Variants in AQR observed in about 807,000 individuals in gnomAD.
The protein encoded by AQR is aquarius intron-binding spliceosomal factor, also known as RNA helicase aquarius.
Under a neutral mutation model 180.5 loss-of-function variants are expected in AQR, and 61 were observed. The observed-to-expected ratio is 0.34, with a 90% CI of 0.28 to 0.42. AQR has a LOEUF of 0.42. Ranked by LOEUF, AQR falls within the 10% of genes least tolerant of loss-of-function variation. The pLI is 1.00. For synonymous variants in AQR, 551 were observed against 588.8 expected, an observed-to-expected ratio of 0.94 and a Z score of 0.93; for missense variants, 1,281 against 1,798.3, an observed-to-expected ratio of 0.71 and a Z score of 5.20.
At chr15:34,954,061 C>T (rs1038038844) in intron 3 of AQR, among the ~76,000 whole-genome samples, 2 of 151,904 alleles carry the variant, frequency 1.3e-5, no homozygotes, top group Admixed American at 6.5e-5. Context: ...ATTACAGTCA[C>T]GTGCCACCAC....
At chr15:34,918,468 T>A in intron 14 of AQR, 90 bp from the exon 15 acceptor site, 1 of 1,468,908 alleles carries the variant, frequency 6.8e-7, no homozygotes, top group East Asian at 2.3e-5. Context: ...TGCCTATCAG[T>A]TATTGTAGCA....
At chr15:34,861,697 G>A (rs1892673118) in intron 33 of AQR, among the ~76,000 whole-genome samples, 1 of 152,116 alleles carries the variant, frequency 6.6e-6, no homozygotes, top group African/African-American at 2.4e-5. Flanking sequence ...TAATAGGATT[G>A]TGTCTAGACT....
chr15:34,872,801 T>G (rs1892839103), intron 30 of AQR, among the ~76,000 whole-genome samples: 1 of 152,038 alleles, frequency 6.6e-6, no homozygotes, highest in Non-Finnish European at 1.5e-5. Flanking sequence ...ACTCAAGATC[T>G]CTAATTTGTA....
Position 34,876,061 on chromosome 15 carries a change from T to C in AQR, c.3166-55A>G, listed in dbSNP as rs571460220. ...CAGCTTAAAAGTCAAACAACTACCA[T>C]CATAAACATAATCATCAAAAAAACC... is the stretch of plus-strand genomic sequence containing the variant. On this transcript the variant is annotated intron_variant, in intron 27 of 34. Coordinates refer to ENST00000156471, the MANE Select transcript of AQR (RefSeq NM_014691.3). The C allele has an allele frequency of 3.1e-6, 4 of 1,290,260 alleles. No homozygotes were observed. The African/African-American group carries it at 5.9e-5, about 19-fold the overall frequency. The allele number at this position is 1,290,260 out of a possible 1,614,324, so 79.9% of individuals were successfully genotyped here. A position where few individuals can be genotyped will look rare whatever the true frequency, so the allele number is the denominator to read the frequency against.
chr15:34,934,666 T>C (rs1428033830), intron 9 of AQR, 31 bp from the exon 10 acceptor site: 1 of 1,472,800 alleles, frequency 6.8e-7, no homozygotes. Flanking sequence ...ATGATAGAAT[T>C]TCCTTACTAG....
intron 30 of AQR, 99 bp from the exon 31 acceptor site, chr15:34,871,021 C>G: frequency 8.5e-7 from 1 of 1,174,858 alleles, no homozygotes; most frequent in Non-Finnish European, 1.2e-6. Flanking sequence ...GTTCACTTTG[C>G]ACACTGCAAG....
intron 2 of AQR, among the ~76,000 whole-genome samples, chr15:34,963,656 G>A (rs984845811): frequency 2.4e-5 from 3 of 127,254 alleles, no homozygotes; most frequent in Non-Finnish European, 5.2e-5. Context: ...AATTATACAC[G>A]TACACTTTTT....
At chr15:34,897,467 T>TA in intron 21 of AQR, 92 bp downstream of exon 21, 2 of 1,469,848 alleles carry the variant, frequency 1.4e-6, no homozygotes, top group Non-Finnish European at 1.9e-6. Context: ...TGTGGAGTTT[T>TA]AAAAGAAACA....
chr15:34,877,721 T>G (rs1428028754), intron 27 of AQR, among the ~76,000 whole-genome samples: 1 of 152,240 alleles, frequency 6.6e-6, no homozygotes, highest in East Asian at 1.9e-4. Context: ...CAGATTTTAA[T>G]TCCAAAGCAA....
At chr15:34,951,120 T>C (rs770134742) in intron 4 of AQR, among the ~76,000 whole-genome samples, 6 of 152,258 alleles carry the variant, frequency 3.9e-5, no homozygotes, top group Non-Finnish European at 5.9e-5. Context: ...CAGCAAATTC[T>C]ATACAATACT....
intron 2 of AQR, 24 bp downstream of exon 2, chr15:34,964,210 T>C (rs2050297484): frequency 6.5e-7 from 1 of 1,543,598 alleles, no homozygotes; most frequent in Non-Finnish European, 8.9e-7. Context: ...TCTCAAGAAT[T>C]ATGTTGAAAC....
In AQR at chr15:34,873,887, T is replaced by A. The variant is rs550781537; in HGVS notation, c.3538A>T (p.Ile1180Phe). 6.2e-7 allele frequency: 1 copy of A among 1,609,650 alleles called. No homozygotes were observed. The highest frequency in any genetic ancestry group is 1.3e-5 in the African/African-American group (1 of 74,764). ...NAGLLYDFQL[I>F]NVEDFQGVGE... ...ACTCCTTGAAAATCTTCAACATTAA[T>A]GAGCTGGAAGTCATACAGTAAGCCA... The change falls in exon 30 of 35, where the codon ATT (isoleucine) becomes TTT (phenylalanine). Residue 1180 changes from isoleucine (I) to phenylalanine (F), a missense_variant. By Grantham distance (21) the Ile-to-Phe change is conservative. Around this residue, in one of 9 missense-constraint regions of AQR, gnomAD observed 197 missense variants for 320.7 expected, o/e 0.61. Coordinates refer to ENST00000156471, the MANE Select transcript of AQR (RefSeq NM_014691.3).
At chr15:34,867,820 T>C (rs1212354604) in intron 31 of AQR, 4 of 424,888 alleles carry the variant, frequency 9.4e-6, no homozygotes, top group South Asian at 3.2e-5. Flanking sequence ...TTATTAACAC[T>C]TACAGCACTT....
chr15:34,919,800 AG>A (rs1893656381), intron 14 of AQR, among the ~76,000 whole-genome samples: 1 of 152,296 alleles, frequency 6.6e-6, no homozygotes, highest in South Asian at 2.1e-4. Context: ...CGGGAAGATG[AG>A]GCACGAGAAT....
chr15:34,864,629 T>G (rs1332075087), intron 32 of AQR, among the ~76,000 whole-genome samples: 6 of 152,118 alleles, frequency 3.9e-5, no homozygotes. Context: ...GAAAAAGGGT[T>G]AGTGGTGGAA....
At position 34,900,816 on chromosome 15, in the gene AQR, T is replaced by C. The variant is rs1893320689; in HGVS notation, c.2049A>G (p.Val683=). ...IRNLMNTDCV[V]PDWLHDIILG... is the part of the protein sequence containing the mutation. Reference sequence around the variant, plus strand: ...AAATGATATCGTGCAGCCAGTCAGGTACCACACAATCAGTATTCATCAGGT... The same window carrying C: ...AAATGATATCGTGCAGCCAGTCAGGCACCACACAATCAGTATTCATCAGGT... The change falls in exon 20 of 35, where the codon GTA becomes GTG. Residue 683 remains valine (V), a synonymous_variant. Coordinates refer to ENST00000156471, the MANE Select transcript of AQR (RefSeq NM_014691.3). 1.9e-6 allele frequency: 3 copies of C among 1,613,814 alleles called. No individual in the cohort carries two copies. Among genetic ancestry groups the C allele is most frequent in the African/African-American group, 2.7e-5 (2 of 74,934 alleles).
chr15:34,950,896 CCA>C (rs1894220431), intron 4 of AQR, among the ~76,000 whole-genome samples: 1 of 152,076 alleles, frequency 6.6e-6, no homozygotes, highest in Non-Finnish European at 1.5e-5. Flanking sequence ...CACTGGCTTG[CCA>C]CAGTTTTTAA....
intron 4 of AQR, among the ~76,000 whole-genome samples, chr15:34,949,864 G>A (rs1320685600): frequency 4.0e-5 from 6 of 149,416 alleles, no homozygotes; most frequent in Admixed American, 4.0e-4. Context: ...TACTCAGGAG[G>A]CTGAGGTAGG....
rs1390649906 is a variant in AQR, at chr15:34,855,041, T to G, written c.*1751A>C. The G allele has an allele frequency of 1.3e-5, 2 of 152,268 alleles. No individual in the cohort carries two copies. Among genetic ancestry groups the G allele is most frequent in the African/African-American group, 4.8e-5 (2 of 41,472 alleles). The allele number at this position is 152,268 out of a possible 1,614,324, so 9.4% of individuals were successfully genotyped here. A position where few individuals can be genotyped will look rare whatever the true frequency, so the allele number is the denominator to read the frequency against. ...ATCGGAGAAATTACATAACAGGCTA[T>G]CTGGCTTGATCCTTACTCTGATAAC... On this transcript the variant is annotated 3_prime_UTR_variant, in exon 35 of 35. Transcript: ENST00000156471.
Sources: gnomAD v4.1 joint callset for allele counts (sites outside exome capture counted in the v4.1 genomes callset) on GRCh38, gnomAD v4.1.1 for gene constraint, gnomAD v4.1.1 regional missense constraint, MANE v1.5 for transcripts, NCBI Gene and HGNC (gene_info 2026-07-23, HGNC 2026-07-21) for gene names.